The following ZFHX3 variants were observed in gnomAD, a reference collection of about 807,000 sequenced individuals.
ZFHX3 encodes the protein zinc finger homeobox protein 3.
Under a neutral mutation model 279.1 loss-of-function variants are expected in ZFHX3, and 42 were observed. That is an observed-to-expected ratio of 0.15 (90% confidence interval 0.12 to 0.19). The LOEUF is 0.19. ZFHX3 is among the 10% of genes least tolerant of loss of function. The pLI, the probability that ZFHX3 is intolerant of heterozygous loss-of-function variation, is 1.00. For missense variants in ZFHX3, 4,981 were observed against 4,754.0 expected (o/e 1.05, Z -1.40); for synonymous variants, 2,293 against 1,957.8 (o/e 1.17, Z -4.52).
chr16:72,938,166 G>T (rs1304811903), intron 3 of ZFHX3, among the ~76,000 whole-genome samples: 1 of 152,274 alleles, frequency 6.6e-6, no homozygotes, highest in Non-Finnish European at 1.5e-5. Context: ...AGCAGCTGGA[G>T]AGACAGTTCT....
intron 3 of ZFHX3, among the ~76,000 whole-genome samples, chr16:73,407,023 G>T (rs1217776814): frequency 1.3e-5 from 2 of 151,180 alleles, no homozygotes; most frequent in Non-Finnish European, 2.9e-5. Context: ...TTCTGTAGCA[G>T]CAGTTCTCAA....
intron 3 of ZFHX3, among the ~76,000 whole-genome samples, chr16:72,918,459 A>G (rs1441942658): frequency 6.6e-6 from 1 of 152,230 alleles, no homozygotes; most frequent in Non-Finnish European, 1.5e-5. Context: ...CAAAGTTTTA[A>G]AAAGTCACAA....
Position 72,787,120 on chromosome 16 carries a change from T to G in ZFHX3, c.*44A>C, listed in dbSNP as rs756883770. The stretch of plus-strand genomic sequence containing the variant: ...TTTTTGAAATTGGTTTGTTATTAAT[T>G]TTTGTATTTAAATTCATTTGTTTGT... On this transcript the variant is annotated 3_prime_UTR_variant, in exon 10 of 10. Coordinates refer to ENST00000268489, the MANE Select transcript of ZFHX3 (RefSeq NM_006885.4). The G allele has an allele frequency of 7.4e-7, 1 of 1,355,038 alleles. No homozygotes were observed. Among genetic ancestry groups the G allele is most frequent in the Non-Finnish European group, 9.6e-7 (1 of 1,043,292 alleles). 83.9% of individuals were successfully genotyped at this position (1,355,038 alleles called of 1,614,324 possible). A position where few individuals can be genotyped will look rare whatever the true frequency, so the allele number is the denominator to read the frequency against.
At chr16:72,841,149 C>T (rs2037335064) in intron 4 of ZFHX3, among the ~76,000 whole-genome samples, 1 of 152,156 alleles carries the variant, frequency 6.6e-6, no homozygotes, top group Non-Finnish European at 1.5e-5. Flanking sequence ...CGGAGAAGAG[C>T]CTAACTCTGC....
intron 8 of ZFHX3, among the ~76,000 whole-genome samples, chr16:73,074,489 T>C (rs1965862519): frequency 6.6e-6 from 1 of 152,264 alleles, no homozygotes. Context: ...AGGCACCATA[T>C]GGAGTGTTCA....
intron 4 of ZFHX3, among the ~76,000 whole-genome samples, chr16:73,278,931 GC>G (rs1422368262): frequency 6.6e-6 from 1 of 152,234 alleles, no homozygotes; most frequent in Non-Finnish European, 1.5e-5. Flanking sequence ...AGGAAGTCCA[GC>G]TGGCTTCACC....
intron 1 of ZFHX3, among the ~76,000 whole-genome samples, chr16:73,682,966 GAA>G (rs1273463892): frequency 3.8e-5 from 1 of 26,472 alleles, no homozygotes. Context: ...AAGAAAGAAA[GAA>G]AGAAAGAAAG....
chr16:73,135,844 CT>C (rs1567398684), intron 6 of ZFHX3, among the ~76,000 whole-genome samples: 1 of 151,396 alleles, frequency 6.6e-6, no homozygotes, highest in Non-Finnish European at 1.5e-5. Context: ...ACTAGGCTCA[CT>C]TCACTTATTT....
At chr16:73,804,847 C>G (rs1231096133) in intron 1 of ZFHX3, among the ~76,000 whole-genome samples, 2 of 142,880 alleles carry the variant, frequency 1.4e-5, no homozygotes, top group African/African-American at 2.6e-5. Flanking sequence ...ACACTATACA[C>G]ATACTACATA....
intron 1 of ZFHX3, among the ~76,000 whole-genome samples, chr16:73,816,563 T>C (rs1474217085): frequency 9.9e-5 from 15 of 152,200 alleles, no homozygotes. Context: ...CTATTTACTA[T>C]CTGGCCTTGT....
At chr16:72,913,786 T>C (rs772475035) in intron 3 of ZFHX3, among the ~76,000 whole-genome samples, 11 of 152,202 alleles carry the variant, frequency 7.2e-5, no homozygotes, top group Non-Finnish European at 1.3e-4. Context: ...AGGTGGCTAA[T>C]GGAAATGTCT....
chr16:73,011,845 C>T (rs1056319274), intron 1 of ZFHX3, among the ~76,000 whole-genome samples: 2 of 151,882 alleles, frequency 1.3e-5, no homozygotes, highest in African/African-American at 4.8e-5. Flanking sequence ...CAACTCAATT[C>T]GGTGGGATAC....
At chr16:72,882,653 C>T (rs985291142) in intron 4 of ZFHX3, among the ~76,000 whole-genome samples, 4 of 152,104 alleles carry the variant, frequency 2.6e-5, no homozygotes, top group Non-Finnish European at 4.4e-5. Context: ...AGGGCAGCAG[C>T]GTCTGACAGC....
At chr16:72,864,391 A>G (rs2037962363) in intron 4 of ZFHX3, among the ~76,000 whole-genome samples, 1 of 152,170 alleles carries the variant, frequency 6.6e-6, no homozygotes, top group South Asian at 2.1e-4. Context: ...ACATGTACAA[A>G]CAAGACCACA....
chr16:73,243,859 GATAATA>G (rs1218694795), intron 5 of ZFHX3, among the ~76,000 whole-genome samples: 2 of 152,060 alleles, frequency 1.3e-5, no homozygotes, highest in Admixed American at 6.5e-5. Flanking sequence ...ATTTGGAATT[GATAATA>G]ATAATAAATG....
At chr16:73,697,248 T>A (rs2053206000) in intron 1 of ZFHX3, among the ~76,000 whole-genome samples, 1 of 151,090 alleles carries the variant, frequency 6.6e-6, no homozygotes, top group South Asian at 2.1e-4. Context: ...TAGTAAACAA[T>A]CTGGAAAGTA....
chr16:73,542,723 C>G lies in ZFHX3; in HGVS notation c.-1546-86465G>C, dbSNP rs538985488. ...ATGTGAATTTTAGATAAACAATGCA[C>G]AATTTTTTTAGGTATAAATATGTCT... is the stretch of plus-strand genomic sequence containing the variant. On this transcript the variant is annotated intron_variant, in intron 2 of 17. Transcript: ENST00000641206. 5.9e-5 allele frequency among the ~76,000 whole-genome samples: 9 copies of G among 152,150 alleles called. No homozygotes were observed. In the South Asian group the frequency reaches 1.9e-3, roughly 32 times the overall value.
chr16:73,179,384 A>T (rs1393174376), intron 5 of ZFHX3, among the ~76,000 whole-genome samples: 2 of 152,162 alleles, frequency 1.3e-5, no homozygotes, highest in Admixed American at 6.5e-5. Flanking sequence ...CCCCTCCATG[A>T]CTATCAAGTT....
chr16:73,539,433 C>CTTTTTTGTTTTT (rs2019971034), intron 2 of ZFHX3, among the ~76,000 whole-genome samples: 1 of 65,086 alleles, frequency 1.5e-5, no homozygotes, highest in Non-Finnish European at 2.9e-5. Flanking sequence ...TCCTCTTCTT[C>CTTTTTTGTTTTT]TTTTTTTTTT....
Sources: allele counts gnomAD v4.1 joint callset (sites outside exome capture counted in the v4.1 genomes callset), GRCh38; gene constraint gnomAD v4.1.1; transcripts MANE v1.5; gene names NCBI Gene and HGNC (gene_info 2026-07-23, HGNC 2026-07-21).